NXPE3: variants seen among roughly 807,000 people sequenced by gnomAD.
NXPE3 encodes the protein neurexophilin and PC-esterase domain family member 3, also known as NXPE family member 3.
NXPE3 carries 26 observed loss-of-function variants against 46.1 expected under a neutral mutation model. The observed-to-expected ratio is 0.56, with a 90% CI of 0.41 to 0.78. The LOEUF (loss-of-function observed/expected upper bound fraction) is 0.78, where lower values mean the gene tolerates loss of function less well. Ranked by LOEUF, NXPE3 falls within the 30% of genes least tolerant of loss-of-function variation. The pLI is 0.00. For synonymous variants in NXPE3, 272 were observed against 257.9 expected (o/e 1.05, Z -0.52); for missense variants, 620 against 686.0 (o/e 0.90, Z 1.07).
In NXPE3 at chr3:101,823,780, T is replaced by G. The variant is rs1360361198; in HGVS notation, c.*1826T>G. On this transcript the variant is annotated 3_prime_UTR_variant, in exon 8 of 8. Coordinates refer to ENST00000273347, the MANE Select transcript of NXPE3 (RefSeq NM_145037.4). ...GATCTTATCTCTAAAAAATTTTTGT[T>G]AAATAATAAAAGAATTAAGGCCAGG... The G allele has an allele frequency of 6.6e-6, 1 of 151,794 alleles. No homozygotes were observed. The highest frequency in any genetic ancestry group is 6.6e-5 in the Admixed American group (1 of 15,232). The allele number at this position is 151,794 out of a possible 1,614,324, so 9.4% of individuals were successfully genotyped here. A position where few individuals can be genotyped will look rare whatever the true frequency, so the allele number is the denominator to read the frequency against.
At position 101,801,760 on chromosome 3, in the gene NXPE3, A is replaced by G; in HGVS notation, c.619A>G (p.Arg207Gly). The change falls in exon 5 of 8, where the codon AGG becomes GGG. Residue 207 changes from arginine to glycine, a missense_variant. Physicochemically the swap from Arg to Gly is moderately radical, Grantham distance 125. Coordinates refer to ENST00000273347, the MANE Select transcript of NXPE3 (RefSeq NM_145037.4). ...LQRLQEDKPD[R>G]VYFKSLFRSG... ...GCGCTTACAGGAAGATAAACCAGACAGGGTCTATTTCAAGAGTCTCTTCCG... is the reference window on the plus strand; with the variant it reads ...GCGCTTACAGGAAGATAAACCAGACGGGGTCTATTTCAAGAGTCTCTTCCG... 1.9e-6 allele frequency: 3 copies of G among 1,614,216 alleles called. No homozygotes were observed. Among genetic ancestry groups the G allele is most frequent in the Non-Finnish European group, 2.5e-6 (3 of 1,180,034 alleles).
intron 7 of NXPE3, among the ~76,000 whole-genome samples, chr3:101,818,036 G>A (rs888188478): frequency 1.3e-5 from 2 of 152,020 alleles, no homozygotes; most frequent in South Asian, 2.1e-4. Context: ...GACCACAGGC[G>A]TGAGCCACTG....
At chr3:101,808,339 T>G (rs570327366) in intron 6 of NXPE3, among the ~76,000 whole-genome samples, 2 of 152,262 alleles carry the variant, frequency 1.3e-5, no homozygotes, top group East Asian at 3.9e-4. Context: ...AAAAGTATAT[T>G]AACTAATAGT....
chr3:101,796,404 T>G (rs1413939039), intron 4 of NXPE3, among the ~76,000 whole-genome samples: 1 of 152,228 alleles, frequency 6.6e-6, no homozygotes. Flanking sequence ...TTTGCATTTT[T>G]GTCATTTGCA....
Position 101,819,944 on chromosome 3 carries a change from CT to C in NXPE3, c.1130-1454del, listed in dbSNP as rs537169955. Among the ~76,000 whole-genome samples, 254 of 152,266 alleles carry C rather than the reference CT, an allele frequency of 1.7e-3. 1 individual carries two copies. The highest frequency in any genetic ancestry group is 3.4e-3 in the Middle Eastern group (1 of 294). On this transcript the variant is annotated intron_variant, in intron 7 of 7. Coordinates refer to ENST00000273347, the MANE Select transcript of NXPE3 (RefSeq NM_145037.4). ...ACCACTATTCTACTCTCTACTTCAACTTTTTTAAGTTCCACATATAAGTCAG... is the reference window on the plus strand; with the variant it reads ...ACCACTATTCTACTCTCTACTTCAACTTTTTAAGTTCCACATATAAGTCAG...
At position 101,817,692 on chromosome 3, in the gene NXPE3, G is replaced by C. The variant is rs561686787; in HGVS notation, c.1129+691G>C. 3.3e-5 allele frequency among the ~76,000 whole-genome samples: 5 copies of C among 152,226 alleles called. No homozygotes were observed. The South Asian group carries it at 1.0e-3, about 32-fold the overall frequency. On this transcript the variant is annotated intron_variant, in intron 7 of 7. Transcript: ENST00000273347. ...ATTCTTTTCTTTCTGGAAGGGGTAT[G>C]GATGAGGTAAGGAAGGAGGGATCCT...
intron 6 of NXPE3, among the ~76,000 whole-genome samples, chr3:101,808,855 A>ATATATATATG (rs1491512601): frequency 2.1e-5 from 2 of 95,268 alleles, no homozygotes; most frequent in African/African-American, 7.9e-5. Context: ...ATATATATAT[A>ATATATATATG]TGAGACATTT....
intron 6 of NXPE3, among the ~76,000 whole-genome samples, chr3:101,816,418 C>T (rs2107345414): frequency 6.6e-6 from 1 of 152,162 alleles, no homozygotes; most frequent in South Asian, 2.1e-4. Context: ...CTCTCCCTCC[C>T]CTTCCCCCCA....
At chr3:101,811,582 TGAAGTCTCAA>T (rs1941708341) in intron 6 of NXPE3, among the ~76,000 whole-genome samples, 1 of 152,184 alleles carries the variant, frequency 6.6e-6, no homozygotes, top group Non-Finnish European at 1.5e-5. Context: ...AAATGATTTC[TGAAGTCTCAA>T]GAGTTGGAAA....
Position 101,827,766 on chromosome 3 carries a change from TG to T in NXPE3, c.*5815del, listed in dbSNP as rs1942560651. Among the ~76,000 whole-genome samples the T allele has an allele frequency of 6.6e-6, 1 of 152,184 alleles. No individual in the cohort carries two copies. The highest frequency in any genetic ancestry group is 2.4e-5 in the African/African-American group (1 of 41,440). The stretch of plus-strand genomic sequence containing the variant: ...GACTCGGGTCGGTACCTTTTTGGTC[TG>T]GGAATTTCCAGTGTGCAGAAAAAAA... On this transcript the variant is annotated 3_prime_UTR_variant, in exon 8 of 8. Transcript: ENST00000273347.
intron 4 of NXPE3, among the ~76,000 whole-genome samples, chr3:101,799,199 C>T (rs1022673019): frequency 6.6e-6 from 1 of 152,054 alleles, no homozygotes; most frequent in African/African-American, 2.4e-5. Context: ...TTCAGCCTCC[C>T]GAAGTGTTGG....
intron 6 of NXPE3, among the ~76,000 whole-genome samples, chr3:101,812,528 C>T (rs920878913): frequency 1.3e-4 from 20 of 151,810 alleles, no homozygotes; most frequent in African/African-American, 3.9e-4. Flanking sequence ...AAAGGTATTT[C>T]GACGGCCGGG....
chr3:101,793,574 A>T (rs1027398626), intron 4 of NXPE3, among the ~76,000 whole-genome samples: 10 of 59,682 alleles, frequency 1.7e-4, no homozygotes, highest in Admixed American at 1.0e-3. Flanking sequence ...CCTCTTCTCT[A>T]TTCCCCTTTT....
chr3:101,784,108 T>C (rs933166250), intron 3 of NXPE3, among the ~76,000 whole-genome samples: 7 of 152,212 alleles, frequency 4.6e-5, no homozygotes, highest in Non-Finnish European at 1.0e-4. Flanking sequence ...CATAATTATT[T>C]GTTGCATAGA....
Position 101,801,416 on chromosome 3 carries a change from T to C in NXPE3, c.275T>C (p.Val92Ala). 5.6e-6 allele frequency: 9 copies of C among 1,614,194 alleles called. No homozygotes were observed. The highest frequency in any genetic ancestry group is 7.6e-6 in the Non-Finnish European group (9 of 1,180,036). Residue 92 changes from valine to alanine, a missense_variant, in exon 5 of 8, where the codon GTG becomes GCG. By Grantham distance (64) the Val-to-Ala change is moderately conservative. Around this residue, in one of 3 missense-constraint regions of NXPE3, gnomAD observed 511 missense variants for 528.6 expected, o/e 0.97. Transcript: ENST00000273347. ...LAALHRQVPDVGPVPFVKSTD... is the reference protein window; with the variant it reads ...LAALHRQVPDAGPVPFVKSTD... ...GCCTTGCACCGGCAGGTTCCTGATG[T>C]GGGCCCAGTCCCCTTTGTGAAGAGC...
chr3:101,827,507 G>A lies in NXPE3; in HGVS notation c.*5553G>A, dbSNP rs1470460368. 6.6e-6 allele frequency: 1 copy of A among 152,202 alleles called. No homozygotes were observed. Among genetic ancestry groups the A allele is most frequent in the Non-Finnish European group, 1.5e-5 (1 of 68,032 alleles). The allele number at this position is 152,202 out of a possible 1,614,324, so 9.4% of individuals were successfully genotyped here. A position where few individuals can be genotyped will look rare whatever the true frequency, so the allele number is the denominator to read the frequency against. On this transcript the variant is annotated 3_prime_UTR_variant, in exon 8 of 8. Transcript: ENST00000273347. The stretch of plus-strand genomic sequence containing the variant: ...GTATTGTAAAAGCTATATGGTAAAA[G>A]GTAACTCCCTCCACCCGCCCACTGC...
intron 5 of NXPE3, among the ~76,000 whole-genome samples, chr3:101,802,438 C>T (rs751307797): frequency 4.0e-5 from 6 of 150,792 alleles, no homozygotes; most frequent in Non-Finnish European, 8.8e-5. Flanking sequence ...GGCAACATAG[C>T]AAGACCCCAT....
At chr3:101,790,950 T>A (rs954764105) in intron 4 of NXPE3, among the ~76,000 whole-genome samples, 10 of 152,164 alleles carry the variant, frequency 6.6e-5, no homozygotes, top group Admixed American at 6.5e-4. Flanking sequence ...TGAATTGTAT[T>A]TTTTTTAAAA....
chr3:101,819,042 G>A (rs1942128241), intron 7 of NXPE3, among the ~76,000 whole-genome samples: 1 of 151,722 alleles, frequency 6.6e-6, no homozygotes, highest in Non-Finnish European at 1.5e-5. Context: ...TGGGATTATG[G>A]GCATGAGCCA....
Sources: gnomAD v4.1 joint callset for allele counts (sites outside exome capture counted in the v4.1 genomes callset) on GRCh38, gnomAD v4.1.1 for gene constraint, gnomAD v4.1.1 regional missense constraint, MANE v1.5 for transcripts, NCBI Gene and HGNC (gene_info 2026-07-23, HGNC 2026-07-21) for gene names.